ABI3BP: variants seen among roughly 807,000 people sequenced by gnomAD.
ABI3BP encodes ABI family member 3 binding protein, also known as target of Nesh-SH3.
ABI3BP carries 216 observed loss-of-function variants against 268.6 expected under a neutral mutation model. The observed-to-expected ratio is 0.80, with a 90% CI of 0.72 to 0.90. The LOEUF is 0.90. ABI3BP is among the 40% of genes least tolerant of loss of function. The pLI is 0.00. For missense variants in ABI3BP, 2,090 were observed against 2,182.4 expected, an observed-to-expected ratio of 0.96 and a Z score of 0.84; for synonymous variants, 730 against 730.0, an observed-to-expected ratio of 1.00 and a Z score of 0.00.
intron 2 of ABI3BP, among the ~76,000 whole-genome samples, chr3:100,906,409 G>T (rs2053472102): frequency 1.3e-5 from 2 of 152,132 alleles, no homozygotes; most frequent in Non-Finnish European, 2.9e-5. Context: ...CACATATTTT[G>T]GGAGTATTTG....
chr3:100,892,214 A>G (rs2045045181), intron 4 of ABI3BP, among the ~76,000 whole-genome samples: 1 of 152,228 alleles, frequency 6.6e-6, no homozygotes, highest in Non-Finnish European at 1.5e-5. Context: ...TAGAATTACC[A>G]GCGTGGAAGA....
chr3:100,818,301 T>C (rs927980736), intron 41 of ABI3BP, among the ~76,000 whole-genome samples: 2 of 152,206 alleles, frequency 1.3e-5, no homozygotes, highest in African/African-American at 2.4e-5. Flanking sequence ...GCATGACACA[T>C]TGAACGGTTA....
chr3:100,753,880 TACTAGGTAAA>T, intron 64 of ABI3BP, 32 bp from the exon 65 acceptor site: 2 of 1,596,708 alleles, frequency 1.3e-6, no homozygotes, highest in Non-Finnish European at 1.7e-6. Flanking sequence ...AGTCAGACCT[TACTAGGTAAA>T]ACCCCAACAT....
intron 35 of ABI3BP, 45 bp from the exon 36 acceptor site, chr3:100,824,986 T>C: frequency 6.8e-7 from 1 of 1,477,966 alleles, no homozygotes; most frequent in Non-Finnish European, 9.1e-7. Flanking sequence ...CTTATGATTC[T>C]GGATACTGAG....
chr3:100,840,358 A>C (rs963213710), intron 22 of ABI3BP, among the ~76,000 whole-genome samples, 194 bp from the exon 23 acceptor site: 2 of 152,200 alleles, frequency 1.3e-5, no homozygotes, highest in Non-Finnish European at 2.9e-5. Context: ...ACAGATTAAT[A>C]AACTGTCCAA....
intron 5 of ABI3BP, among the ~76,000 whole-genome samples, 196 bp downstream of exon 5, chr3:100,885,946 T>C (rs2041812622): frequency 6.6e-6 from 1 of 152,054 alleles, no homozygotes. Flanking sequence ...TTATTACTTA[T>C]TTTAAAAATC....
At position 100,812,326 on chromosome 3, in the gene ABI3BP, A is replaced by G. The variant is rs2097882360; in HGVS notation, c.3421+141T>C. The G allele has an allele frequency of 6.6e-6, 3 of 452,226 alleles. No individual in the cohort carries two copies. In the Admixed American group the frequency reaches 1.2e-4, roughly 19 times the overall value. The allele number at this position is 452,226 out of a possible 1,614,324, so 28.0% of individuals were successfully genotyped here. ...CAATGTGCTGTATACAATGACATTC[A>G]AGACCCACTGGATGAGCACAGACAA... On this transcript the variant is annotated intron_variant, in intron 46 of 67. Transcript: ENST00000471714.
intron 51 of ABI3BP, among the ~76,000 whole-genome samples, chr3:100,798,106 A>G (rs191947815): frequency 7.5e-4 from 114 of 152,278 alleles, no homozygotes; most frequent in Non-Finnish European, 1.4e-3. Context: ...AGCTGGGATT[A>G]AGGAAAGGAG....
intron 4 of ABI3BP, among the ~76,000 whole-genome samples, chr3:100,890,137 A>C (rs1302509117): frequency 6.6e-6 from 1 of 152,148 alleles, no homozygotes; most frequent in Non-Finnish European, 1.5e-5. Context: ...GAACTACCCC[A>C]GCTTAATGTA....
At chr3:100,934,427 G>A (rs2065089038) in intron 1 of ABI3BP, among the ~76,000 whole-genome samples, 1 of 151,888 alleles carries the variant, frequency 6.6e-6, no homozygotes, top group Admixed American at 6.6e-5. Flanking sequence ...ATTGTGAACA[G>A]TGCCACAATA....
chr3:100,862,587 A>G, intron 13 of ABI3BP: 1 of 581,058 alleles, frequency 1.7e-6, no homozygotes. Context: ...GAGAGACCAG[A>G]GTTTGGTGTC....
At chr3:100,863,753 T>G (rs1418284390) in intron 12 of ABI3BP, 4 of 432,172 alleles carry the variant, frequency 9.3e-6, no homozygotes, top group African/African-American at 5.9e-5. Context: ...AATGATCAAT[T>G]TGTTCAGTGA....
At chr3:100,901,639 G>C (rs1001660510) in intron 3 of ABI3BP, among the ~76,000 whole-genome samples, 4 of 151,972 alleles carry the variant, frequency 2.6e-5, no homozygotes, top group Non-Finnish European at 1.5e-5. Flanking sequence ...GGTGGTGGGC[G>C]CCTGTAGTCC....
At chr3:100,832,377 A>G in intron 30 of ABI3BP, 27 bp from the exon 31 acceptor site, 11 of 1,525,598 alleles carry the variant, frequency 7.2e-6, no homozygotes, top group Non-Finnish European at 9.7e-6. Context: ...TAGGATTAAT[A>G]TGGTGCTGAT....
At chr3:100,754,867 A>G (rs144806422) in intron 63 of ABI3BP, among the ~76,000 whole-genome samples, 176 bp from the exon 64 acceptor site, 8 of 152,336 alleles carry the variant, frequency 5.3e-5, no homozygotes, top group South Asian at 4.1e-4. Context: ...TAGTTTTACT[A>G]TCTGAACAGC....
chr3:100,967,221 G>A (rs1400344042), intron 1 of ABI3BP, among the ~76,000 whole-genome samples: 1 of 152,098 alleles, frequency 6.6e-6, no homozygotes, highest in Non-Finnish European at 1.5e-5. Flanking sequence ...TTATTTGAGG[G>A]CTAGGTGCGG....
Position 100,810,463 on chromosome 3 carries a change from G to A in ABI3BP, c.3556C>T (p.Pro1186Ser), listed in dbSNP as rs115676129. ...PETTLETSPL[P>S]SQSITLPSPD... ...CTGGGTAGGGTTATAGATTGAGAAG[G>A]CAGAGGCGACGTTTCTATGGTAATT... The change falls in exon 49 of 68, where the codon CCT (proline) becomes TCT (serine). Residue 1186 changes from proline (P) to serine (S), a missense_variant. By Grantham distance (74) the Pro-to-Ser change is moderately conservative. Transcript: ENST00000471714. The A allele has an allele frequency of 4.9e-3, 7,587 of 1,534,848 alleles. 36 individuals are homozygous for A. The highest frequency in any genetic ancestry group is 5.7e-3 in the Non-Finnish European group (6,497 of 1,146,004).
intron 63 of ABI3BP, among the ~76,000 whole-genome samples, chr3:100,759,387 A>G (rs1288283195): frequency 6.6e-6 from 1 of 152,194 alleles, no homozygotes; most frequent in African/African-American, 2.4e-5. Flanking sequence ...TACCTGCCAC[A>G]TGTAAAGTTA....
intron 63 of ABI3BP, among the ~76,000 whole-genome samples, chr3:100,761,251 A>G (rs180791039): frequency 3.2e-4 from 48 of 152,306 alleles, no homozygotes; most frequent in Non-Finnish European, 5.4e-4. Context: ...TTTTAGGAGT[A>G]AGGGGTGAGA....
Sources: allele counts gnomAD v4.1 joint callset (sites outside exome capture counted in the v4.1 genomes callset), GRCh38; gene constraint gnomAD v4.1.1; transcripts MANE v1.5; gene names NCBI Gene and HGNC (gene_info 2026-07-23, HGNC 2026-07-21).